CNTNAP2: variants seen among roughly 807,000 people sequenced by gnomAD.
CNTNAP2 encodes the protein contactin associated protein 2, also known as contactin-associated protein-like 2.
In CNTNAP2, 98 loss-of-function variants were observed where a neutral mutation model predicts 155.2. The ratio of observed to expected loss-of-function variants is 0.63; its 90% CI spans 0.54 to 0.75. The LOEUF is 0.75. Among genes scored for constraint, CNTNAP2 ranks in the 30% least tolerant of loss-of-function variants. CNTNAP2 has a pLI of 0.00. For missense variants in CNTNAP2, 1,727 were observed against 1,688.1 expected, an observed-to-expected ratio of 1.02 and a Z score of -0.40; for synonymous variants, 651 against 631.2, an observed-to-expected ratio of 1.03 and a Z score of -0.47.
At chr7:148,333,763 G>T (rs547146310) in intron 21 of CNTNAP2, among the ~76,000 whole-genome samples, 2 of 152,332 alleles carry the variant, frequency 1.3e-5, no homozygotes, top group East Asian at 3.9e-4. Context: ...ACGAAGTCAG[G>T]TCTCAACTCC....
intron 1 of CNTNAP2, among the ~76,000 whole-genome samples, chr7:146,556,175 A>T (rs1715345156): frequency 6.6e-6 from 1 of 151,976 alleles, no homozygotes; most frequent in Admixed American, 6.6e-5. Context: ...TTTTTTCTCA[A>T]GTAGTAATTA....
Position 147,332,812 on chromosome 7 carries a change from A to G in CNTNAP2, c.1498+32522A>G, listed in dbSNP as rs551803784. Among the ~76,000 whole-genome samples, 78 of 152,240 alleles carry G rather than the reference A, an allele frequency of 5.1e-4. No individual in the cohort carries two copies. In the South Asian group the frequency reaches 5.2e-3, roughly 10 times the overall value. ...GGGAGGCAGAAGCTGTAGTGAGCCG[A>G]AATCATGCCACTGCGCTCCATCCTG... On this transcript the variant is annotated intron_variant, in intron 9 of 23. Transcript: ENST00000361727.
chr7:148,001,313 C>T (rs1386295603), intron 15 of CNTNAP2, among the ~76,000 whole-genome samples: 1 of 152,222 alleles, frequency 6.6e-6, no homozygotes, highest in Non-Finnish European at 1.5e-5. Context: ...TTCAGCCTGG[C>T]TCTCAGCACA....
chr7:146,228,147 T>C (rs918868137), intron 1 of CNTNAP2, among the ~76,000 whole-genome samples: 5 of 152,332 alleles, frequency 3.3e-5, no homozygotes, highest in South Asian at 2.1e-4. Flanking sequence ...CAAAGCACTA[T>C]AGCGTTATAG....
chr7:146,921,751 C>A (rs1014616187), intron 3 of CNTNAP2, among the ~76,000 whole-genome samples: 23 of 152,196 alleles, frequency 1.5e-4, no homozygotes, highest in Non-Finnish European at 3.4e-4. Flanking sequence ...GGGACACAGC[C>A]AAACCATTTC....
intron 13 of CNTNAP2, among the ~76,000 whole-genome samples, chr7:147,889,768 A>G (rs1159008196): frequency 5.3e-5 from 8 of 152,190 alleles, no homozygotes; most frequent in Admixed American, 5.2e-4. Flanking sequence ...GAGACTGAAA[A>G]ACTAAATTTT....
chr7:147,297,890 A>G (rs1397669222), intron 8 of CNTNAP2, among the ~76,000 whole-genome samples: 1 of 152,198 alleles, frequency 6.6e-6, no homozygotes, highest in East Asian at 1.9e-4. Flanking sequence ...ATAGGAGTGC[A>G]GATATCTCTT....
chr7:148,209,276 C>T (rs1030842872), intron 18 of CNTNAP2, among the ~76,000 whole-genome samples: 3 of 149,616 alleles, frequency 2.0e-5, no homozygotes, highest in Admixed American at 1.4e-4. Context: ...GCCACCACAC[C>T]GGCTATTTTT....
chr7:147,852,260 T>C (rs1798959359), intron 13 of CNTNAP2, among the ~76,000 whole-genome samples: 1 of 152,190 alleles, frequency 6.6e-6, no homozygotes, highest in African/African-American at 2.4e-5. Context: ...ACAACCTTAA[T>C]TGTTATTGCC....
chr7:147,053,423 T>C (rs1004553429), intron 4 of CNTNAP2, among the ~76,000 whole-genome samples: 2 of 152,140 alleles, frequency 1.3e-5, no homozygotes, highest in African/African-American at 4.8e-5. Context: ...AGCCTACCTT[T>C]ATATTTAGGA....
chr7:147,591,550 T>A (rs1197141032), intron 12 of CNTNAP2, among the ~76,000 whole-genome samples: 1 of 152,310 alleles, frequency 6.6e-6, no homozygotes, highest in East Asian at 1.9e-4. Flanking sequence ...TATCTTCTAA[T>A]CTAATACCTT....
At chr7:147,192,376 C>T (rs889116013) in intron 8 of CNTNAP2, among the ~76,000 whole-genome samples, 3 of 152,044 alleles carry the variant, frequency 2.0e-5, no homozygotes, top group African/African-American at 7.2e-5. Context: ...TGAAATTTTA[C>T]CCAAGGACTA....
chr7:146,847,639 C>T (rs1794785309), intron 3 of CNTNAP2, among the ~76,000 whole-genome samples: 1 of 152,152 alleles, frequency 6.6e-6, no homozygotes, highest in Non-Finnish European at 1.5e-5. Context: ...TAGCCTGTTA[C>T]TTCCACTTTA....
intron 1 of CNTNAP2, among the ~76,000 whole-genome samples, chr7:146,176,604 C>A (rs1798474156): frequency 6.6e-6 from 1 of 152,142 alleles, no homozygotes; most frequent in Admixed American, 6.5e-5. Context: ...TGCTTCAGTT[C>A]ATCTCTGACT....
intron 21 of CNTNAP2, among the ~76,000 whole-genome samples, chr7:148,328,999 A>AAAAAAAC (rs1797940876): frequency 6.8e-6 from 1 of 147,730 alleles, no homozygotes; most frequent in Non-Finnish European, 1.5e-5. Context: ...AAAAAAAAAA[A>AAAAAAAC]AGGCCCAAAC....
chr7:147,242,967 T>C (rs1803973024), intron 8 of CNTNAP2, among the ~76,000 whole-genome samples: 2 of 146,152 alleles, frequency 1.4e-5, no homozygotes, highest in Admixed American at 1.4e-4. Context: ...TTGAATGTTG[T>C]ATTCCACACT....
intron 1 of CNTNAP2, among the ~76,000 whole-genome samples, chr7:146,362,291 G>A (rs927302895): frequency 3.9e-5 from 6 of 152,082 alleles, no homozygotes; most frequent in Admixed American, 3.9e-4. Context: ...CGAGAAAAAC[G>A]AAAACAAAGC....
At chr7:147,065,256 G>T (rs1356076837) in intron 4 of CNTNAP2, among the ~76,000 whole-genome samples, 1 of 152,052 alleles carries the variant, frequency 6.6e-6, no homozygotes, top group East Asian at 1.9e-4. Context: ...AAGTTTAATG[G>T]AAAATGTCTT....
At chr7:147,499,078 A>G (rs900060664) in intron 11 of CNTNAP2, among the ~76,000 whole-genome samples, 2 of 152,254 alleles carry the variant, frequency 1.3e-5, no homozygotes, top group African/African-American at 4.8e-5. Context: ...GCCCAGTGGA[A>G]AAATCATATT....
Sources: allele counts gnomAD v4.1 joint callset (sites outside exome capture counted in the v4.1 genomes callset), GRCh38; gene constraint gnomAD v4.1.1; transcripts MANE v1.5; gene names NCBI Gene and HGNC (gene_info 2026-07-23, HGNC 2026-07-21).